UTS2: variants seen among roughly 807,000 people sequenced by gnomAD.
UTS2 encodes the protein urotensin-2.
A neutral mutation model predicts 12.6 loss-of-function variants in UTS2; 10 were observed. The observed-to-expected ratio is 0.80, with a 90% CI of 0.49 to 1.35. UTS2 has a LOEUF of 1.35. Ranked by LOEUF, UTS2 falls within the 40% of genes most tolerant of loss-of-function variation. The probability of loss-of-function intolerance (pLI) is 0.00; values close to 1 mark genes in which losing one functional copy is unlikely to be tolerated. For missense variants in UTS2, 142 were observed against 143.2 expected, an observed-to-expected ratio of 0.99 and a Z score of 0.04; for synonymous variants, 52 against 50.0, an observed-to-expected ratio of 1.04 and a Z score of -0.17.
At chr1:7,906,485 A>AAGAGAGAGAGAGAGAGAGAG in the UTS2 span, among the ~76,000 whole-genome samples, 15 of 150,244 alleles carry the variant, frequency 1.0e-4, no homozygotes, top group Admixed American at 8.6e-4. Context: ...GAAAGAAAGA[A>AAGAGAGAGAGAGAGAGAGAG]AGAAAGAAAG....
chr1:7,870,825 C>G, the UTS2 span, among the ~76,000 whole-genome samples: 6 of 152,196 alleles, frequency 3.9e-5, no homozygotes, highest in Non-Finnish European at 8.8e-5. Flanking sequence ...CCAAAGACCA[C>G]CAGGAGCACA....
At chr1:7,863,028 G>GTATTGTATTGTAT in the UTS2 span, among the ~76,000 whole-genome samples, 4 of 25,486 alleles carry the variant, frequency 1.6e-4, no homozygotes, top group Middle Eastern at 0.015. Flanking sequence ...GTATTGTATT[G>GTATTGTATTGTAT]TATTGTATTG....
chr1:7,851,389 C>A (rs1462823360), intron 1 of UTS2, among the ~76,000 whole-genome samples: 1 of 152,144 alleles, frequency 6.6e-6, no homozygotes. Flanking sequence ...TACTGAACTT[C>A]AAGATTTCAA....
chr1:7,893,861 A>G, the UTS2 span, among the ~76,000 whole-genome samples: 1 of 152,196 alleles, frequency 6.6e-6, no homozygotes, highest in East Asian at 1.9e-4. Context: ...CCTTGAACAG[A>G]AGGAAAAAAC....
the UTS2 span, among the ~76,000 whole-genome samples, chr1:7,864,580 TCTCTG>T: frequency 1.9e-3 from 285 of 152,318 alleles, 2 homozygotes; most frequent in African/African-American, 6.5e-3. Flanking sequence ...CACAAACCAT[TCTCTG>T]CTCTGCGTGC....
At chr1:7,872,515 T>TA in the UTS2 span, among the ~76,000 whole-genome samples, 3 of 152,084 alleles carry the variant, frequency 2.0e-5, no homozygotes, top group Non-Finnish European at 4.4e-5. Context: ...TTCTTGCTGA[T>TA]ATGGAGAAAG....
the UTS2 span, among the ~76,000 whole-genome samples, chr1:7,897,708 T>C: frequency 1.3e-5 from 2 of 152,158 alleles, no homozygotes; most frequent in African/African-American, 4.8e-5. Context: ...TGCCTCAACC[T>C]CCTGAGTAGC....
At chr1:7,879,063 G>A in the UTS2 span, among the ~76,000 whole-genome samples, 2 of 152,040 alleles carry the variant, frequency 1.3e-5, no homozygotes, top group African/African-American at 2.4e-5. Context: ...AATAACAGTT[G>A]GAGACTTTAA....
At chr1:7,871,893 A>G in the UTS2 span, among the ~76,000 whole-genome samples, 3 of 58,020 alleles carry the variant, frequency 5.2e-5, no homozygotes, top group Admixed American at 3.7e-4. Context: ...GGCCTCCTCA[A>G]TTCCCTGAGA....
chr1:7,909,279 T>C, the UTS2 span, among the ~76,000 whole-genome samples: 1 of 152,092 alleles, frequency 6.6e-6, no homozygotes, highest in Non-Finnish European at 1.5e-5. Flanking sequence ...AGTACTGGGC[T>C]TACGCCTGTA....
At chr1:7,855,687 T>C (rs1638292223), upstream of UTS2, among the ~76,000 whole-genome samples, 3 of 149,250 alleles carry the variant, frequency 2.0e-5, 1 homozygote, top group South Asian at 6.4e-4. Context: ...CTGGCCATTA[T>C]TATTATTATT....
At chr1:7,892,474 T>TTG in the UTS2 span, among the ~76,000 whole-genome samples, 1 of 125,038 alleles carries the variant, frequency 8.0e-6, no homozygotes, top group Non-Finnish European at 1.6e-5. Context: ...TGCATGTTTT[T>TTG]TTTTTTTTTT....
chr1:7,868,112 A>G, the UTS2 span, among the ~76,000 whole-genome samples: 2 of 112,436 alleles, frequency 1.8e-5, no homozygotes, highest in Non-Finnish European at 3.7e-5. Flanking sequence ...ACGAATGCAC[A>G]GTTCTGCCGG....
the UTS2 span, among the ~76,000 whole-genome samples, chr1:7,885,162 C>A: frequency 6.6e-6 from 1 of 152,136 alleles, no homozygotes; most frequent in Non-Finnish European, 1.5e-5. Flanking sequence ...ATCCATCCAT[C>A]CACAACTTTT....
At chr1:7,909,284 C>T in the UTS2 span, among the ~76,000 whole-genome samples, 1 of 152,016 alleles carries the variant, frequency 6.6e-6, no homozygotes, top group East Asian at 2.0e-4. Flanking sequence ...TGGGCTTACG[C>T]CTGTAATCCC....
At chr1:7,874,070 C>T in the UTS2 span, among the ~76,000 whole-genome samples, 6 of 152,176 alleles carry the variant, frequency 3.9e-5, no homozygotes, top group Admixed American at 3.3e-4. Context: ...CACTGGAATT[C>T]AGAGGGAAAG....
the UTS2 span, among the ~76,000 whole-genome samples, chr1:7,867,519 C>T: frequency 6.6e-6 from 1 of 152,182 alleles, no homozygotes; most frequent in Admixed American, 6.5e-5. Flanking sequence ...AAAAGACAAA[C>T]ATCTACAAGC....
At chr1:7,884,866 CCCACCCATCCAT>C in the UTS2 span, among the ~76,000 whole-genome samples, 2 of 151,418 alleles carry the variant, frequency 1.3e-5, no homozygotes, top group Non-Finnish European at 2.9e-5. Context: ...CATCCATCCA[CCCACCCATCCAT>C]CCACCCATCC....
chr1:7,860,344 C>T, the UTS2 span, among the ~76,000 whole-genome samples: 2 of 152,026 alleles, frequency 1.3e-5, no homozygotes, highest in African/African-American at 4.8e-5. Context: ...ACAGCGAGTG[C>T]CAAGGCCCTG....
Sources: gnomAD v4.1 joint callset for allele counts (sites outside exome capture counted in the v4.1 genomes callset) on GRCh38, gnomAD v4.1.1 for gene constraint, MANE v1.5 for transcripts, NCBI Gene and HGNC (gene_info 2026-07-23, HGNC 2026-07-21) for gene names.